CHRM3: variants seen among roughly 807,000 people sequenced by gnomAD.
The protein encoded by CHRM3 is muscarinic acetylcholine receptor M3.
Under a neutral mutation model 41.8 loss-of-function variants are expected in CHRM3, and 11 were observed. The ratio of observed to expected loss-of-function variants is 0.26; its 90% CI spans 0.17 to 0.44. The LOEUF (loss-of-function observed/expected upper bound fraction) is 0.44. Ranked by LOEUF, CHRM3 falls within the 20% of genes least tolerant of loss-of-function variation. CHRM3 has a pLI of 1.00. For synonymous variants in CHRM3, 297 were observed against 301.4 expected (o/e 0.99, Z 0.15); for missense variants, 571 against 745.4 (o/e 0.77, Z 2.72).
intron 2 of CHRM3, among the ~76,000 whole-genome samples, chr1:239,544,054 G>C (rs1659049750): frequency 1.3e-5 from 2 of 152,140 alleles, no homozygotes; most frequent in Admixed American, 1.3e-4. Context: ...ACCATTCTTA[G>C]CTCACAGGCT....
intron 5 of CHRM3, among the ~76,000 whole-genome samples, chr1:239,807,644 G>A (rs1400209636): frequency 6.6e-6 from 1 of 152,210 alleles, no homozygotes; most frequent in Non-Finnish European, 1.5e-5. Context: ...AGATATTTAA[G>A]TGAAATGTTT....
Position 239,386,830 on chromosome 1 carries a change from C to G in CHRM3, c.-918C>G, listed in dbSNP as rs191376576. Reference sequence around the variant, plus strand: ...AGGGCGTGAACAGAAAGGGCCGGAGCGTGCAGGGGAGCACAGGGCGCGGGG... The same window carrying G: ...AGGGCGTGAACAGAAAGGGCCGGAGGGTGCAGGGGAGCACAGGGCGCGGGG... On this transcript the variant is annotated 5_prime_UTR_variant, in exon 1 of 7. Transcript: ENST00000676153. 1 of 152,250 alleles carries G rather than the reference C, an allele frequency of 6.6e-6. No individual in the cohort carries two copies. Among genetic ancestry groups the G allele is most frequent in the African/African-American group, 2.4e-5 (1 of 41,452 alleles). The allele number at this position is 152,250 out of a possible 1,614,324, so 9.4% of individuals were successfully genotyped here.
intron 2 of CHRM3, among the ~76,000 whole-genome samples, chr1:239,529,143 AC>A (rs1670196374): frequency 1.3e-5 from 2 of 152,182 alleles, no homozygotes; most frequent in African/African-American, 4.8e-5. Flanking sequence ...AAAAATCTTT[AC>A]CAAAGAAATG....
At chr1:239,542,630 G>A (rs1658891673) in intron 2 of CHRM3, among the ~76,000 whole-genome samples, 1 of 152,164 alleles carries the variant, frequency 6.6e-6, no homozygotes, top group African/African-American at 2.4e-5. Context: ...GAGGCCAGCT[G>A]TCCAAGGTCA....
At chr1:239,518,156 T>A (rs1467281127) in intron 2 of CHRM3, among the ~76,000 whole-genome samples, 1 of 152,210 alleles carries the variant, frequency 6.6e-6, no homozygotes. Flanking sequence ...CCACACGTTT[T>A]AATTTAATTG....
intron 5 of CHRM3, among the ~76,000 whole-genome samples, chr1:239,811,992 G>A (rs74149214): frequency 6.6e-6 from 1 of 152,306 alleles, no homozygotes; most frequent in African/African-American, 2.4e-5. Context: ...CGATTTATGA[G>A]TTTATTCATT....
At position 239,392,543 on chromosome 1, in the gene CHRM3, C is replaced by T. The variant is rs555592375; in HGVS notation, c.-521+5316C>T. 1.5e-4 allele frequency among the ~76,000 whole-genome samples: 23 copies of T among 152,222 alleles called. No homozygotes were observed. The South Asian group carries it at 3.7e-3, about 25-fold the overall frequency. On this transcript the variant is annotated intron_variant, in intron 1 of 6. Transcript: ENST00000676153. ...ATCCTGGTTCAGGCAGGATATCCGC[C>T]GACTACTGCTGTTCAGATAAAATTC...
chr1:239,896,137 C>A (rs1678984288), intron 6 of CHRM3, among the ~76,000 whole-genome samples: 1 of 152,164 alleles, frequency 6.6e-6, no homozygotes, highest in Non-Finnish European at 1.5e-5. Context: ...CTGGGAGAGA[C>A]ACAGTGAAGT....
chr1:239,654,689 A>G (rs957339427), intron 4 of CHRM3, among the ~76,000 whole-genome samples: 4 of 152,140 alleles, frequency 2.6e-5, no homozygotes, highest in Non-Finnish European at 5.9e-5. Context: ...ATGAGCCACC[A>G]CGTCCAGCCC....
rs946714567 is a variant in CHRM3, at chr1:239,907,542, C to A, written c.91C>A (p.Pro31Thr). The A allele has an allele frequency of 4.3e-6, 7 of 1,614,064 alleles. No homozygotes were observed. Among genetic ancestry groups the A allele is most frequent in the Non-Finnish European group, 5.9e-6 (7 of 1,180,038 alleles). The change falls in exon 7 of 7, where the codon CCG (proline) becomes ACG (threonine). Residue 31 changes from proline to threonine, a missense_variant. This residue lies in a region of CHRM3 where 92 missense variants were observed against 76.1 expected (regional missense o/e 1.21). Transcript: ENST00000676153. The surrounding 1 kb of genome is among the most constrained non-coding windows in gnomAD (Gnocchi z 5.4). ...IHSPSDAGLPPGTVTHFGSYN... is the reference protein window; with the variant it reads ...IHSPSDAGLPTGTVTHFGSYN... ...CAGCCCCTCCGATGCAGGGCTGCCCCCGGGAACCGTCACTCATTTCGGCAG... is the reference window on the plus strand; with the variant it reads ...CAGCCCCTCCGATGCAGGGCTGCCCACGGGAACCGTCACTCATTTCGGCAG...
intron 5 of CHRM3, among the ~76,000 whole-genome samples, chr1:239,692,378 G>A (rs1482613231): frequency 6.6e-6 from 1 of 152,142 alleles, no homozygotes; most frequent in Non-Finnish European, 1.5e-5. Context: ...TCTGTGGTTA[G>A]TTATTTTTTT....
intron 1 of CHRM3, among the ~76,000 whole-genome samples, chr1:239,484,279 AC>A (rs1285568462): frequency 1.3e-5 from 2 of 152,178 alleles, no homozygotes; most frequent in Non-Finnish European, 2.9e-5. Context: ...CCACTTGGTG[AC>A]AGCAGGAGCA....
chr1:239,461,097 G>C (rs1665323794), intron 1 of CHRM3, among the ~76,000 whole-genome samples: 1 of 152,076 alleles, frequency 6.6e-6, no homozygotes, highest in Non-Finnish European at 1.5e-5. Context: ...TCATTATTTT[G>C]GCTTGATTCA....
At chr1:239,436,984 C>T (rs1663322838) in intron 1 of CHRM3, among the ~76,000 whole-genome samples, 1 of 152,098 alleles carries the variant, frequency 6.6e-6, no homozygotes, top group African/African-American at 2.4e-5. Flanking sequence ...ATGAATGGCT[C>T]ACCAGACCAC....
intron 1 of CHRM3, among the ~76,000 whole-genome samples, chr1:239,468,927 T>G (rs2147927333): frequency 6.6e-6 from 1 of 152,300 alleles, no homozygotes; most frequent in Non-Finnish European, 1.5e-5. Flanking sequence ...AGATCATTAT[T>G]AATAAATAAT....
intron 3 of CHRM3, among the ~76,000 whole-genome samples, chr1:239,552,478 T>C (rs920574079): frequency 2.7e-5 from 4 of 147,190 alleles, no homozygotes; most frequent in African/African-American, 9.9e-5. Flanking sequence ...ATAGATGATA[T>C]ATATCATACT....
intron 4 of CHRM3, among the ~76,000 whole-genome samples, chr1:239,649,637 G>A (rs1373764485): frequency 6.6e-6 from 1 of 152,114 alleles, no homozygotes; most frequent in Non-Finnish European, 1.5e-5. Flanking sequence ...AGATATCAAA[G>A]CCTGTTTGTG....
intron 3 of CHRM3, among the ~76,000 whole-genome samples, chr1:239,568,816 G>A (rs1661588612): frequency 1.3e-5 from 2 of 152,092 alleles, no homozygotes; most frequent in Admixed American, 1.3e-4. Flanking sequence ...AATCCCCAAG[G>A]AAGAACAGGG....
chr1:239,688,733 ATAT>A (rs1311925704), intron 5 of CHRM3, among the ~76,000 whole-genome samples: 78 of 135,772 alleles, frequency 5.7e-4, no homozygotes, highest in African/African-American at 1.2e-3. Flanking sequence ...ATAATATATA[ATAT>A]TATATATAAT....
Sources: gnomAD v4.1 joint callset for allele counts (sites outside exome capture counted in the v4.1 genomes callset) on GRCh38, gnomAD v4.1.1 for gene constraint, gnomAD v4.1.1 regional missense constraint, Gnocchi (gnomAD v3.1) non-coding constraint, MANE v1.5 for transcripts, NCBI Gene and HGNC (gene_info 2026-07-23, HGNC 2026-07-21) for gene names.